MTMR7: variants seen among roughly 807,000 people sequenced by gnomAD.
MTMR7 encodes the protein phosphatidylinositol-3-phosphate phosphatase MTMR7.
MTMR7 carries 76 observed loss-of-function variants against 81.2 expected under a neutral mutation model. The ratio of observed to expected loss-of-function variants is 0.94; its 90% CI spans 0.78 to 1.13. The LOEUF (loss-of-function observed/expected upper bound fraction) is 1.13. Ranked by LOEUF, MTMR7 falls within the 50% of genes most tolerant of loss-of-function variation. The probability of loss-of-function intolerance (pLI) is 0.00; values close to 1 mark genes in which losing one functional copy is unlikely to be tolerated. For synonymous variants in MTMR7, 372 were observed against 289.8 expected, an observed-to-expected ratio of 1.28 and a Z score of -2.88; for missense variants, 1,044 against 820.0, an observed-to-expected ratio of 1.27 and a Z score of -3.34.
intron 3 of MTMR7, among the ~76,000 whole-genome samples, 182 bp downstream of exon 3, chr8:17,370,855 A>T (rs1167827510): frequency 6.6e-6 from 1 of 152,108 alleles, no homozygotes; most frequent in African/African-American, 2.4e-5. Context: ...AACTCGGGGG[A>T]GACTCTAAAA....
chr8:17,327,646 A>T (rs1299514058), intron 7 of MTMR7, among the ~76,000 whole-genome samples: 1 of 152,060 alleles, frequency 6.6e-6, no homozygotes, highest in Non-Finnish European at 1.5e-5. Flanking sequence ...CCTGGTAAAA[A>T]AAAAAACTAT....
intron 1 of MTMR7, among the ~76,000 whole-genome samples, chr8:17,388,167 T>C (rs1821006000): frequency 6.6e-6 from 1 of 152,192 alleles, no homozygotes; most frequent in Non-Finnish European, 1.5e-5. Context: ...AGGGCCCATA[T>C]AATTTATTTT....
intron 1 of MTMR7, among the ~76,000 whole-genome samples, chr8:17,397,062 G>A (rs1042634779): frequency 6.6e-6 from 1 of 151,942 alleles, no homozygotes; most frequent in Admixed American, 6.6e-5. Flanking sequence ...CCTGAATAAT[G>A]AGCAGTGATA....
intron 1 of MTMR7, among the ~76,000 whole-genome samples, chr8:17,407,423 T>C (rs1821619603): frequency 6.6e-6 from 1 of 152,174 alleles, no homozygotes; most frequent in Non-Finnish European, 1.5e-5. Context: ...CGGAAAGTCA[T>C]TTGGTAATAT....
intron 1 of MTMR7, among the ~76,000 whole-genome samples, chr8:17,387,489 C>G (rs563342204): frequency 5.6e-4 from 86 of 152,282 alleles, no homozygotes; most frequent in African/African-American, 1.9e-3. Flanking sequence ...ATGAATATAT[C>G]TAGACTGTTT....
chr8:17,329,330 C>T (rs903871714), intron 7 of MTMR7, among the ~76,000 whole-genome samples: 19 of 152,208 alleles, frequency 1.2e-4, no homozygotes, highest in Admixed American at 1.0e-3. Context: ...GTCAAGACCA[C>T]GTACAGGCAT....
intron 11 of MTMR7, among the ~76,000 whole-genome samples, chr8:17,304,891 CTCTG>C (rs948283822): frequency 1.3e-5 from 2 of 152,036 alleles, no homozygotes; most frequent in Non-Finnish European, 2.9e-5. Context: ...TTGCTGTGAG[CTCTG>C]TCTAATTTAC....
intron 1 of MTMR7, among the ~76,000 whole-genome samples, chr8:17,389,183 A>G (rs1269630215): frequency 2.0e-5 from 3 of 152,036 alleles, no homozygotes; most frequent in Admixed American, 2.0e-4. Flanking sequence ...CCTTTCCTCA[A>G]CTACCCCAGT....
At position 17,297,020 on chromosome 8, in the gene MTMR7, G is replaced by A. The variant is rs542862598; in HGVS notation, c.*2842C>T. 2 of 152,094 alleles carry A rather than the reference G, an allele frequency of 1.3e-5. No individual in the cohort carries two copies. The highest frequency in any genetic ancestry group is 4.8e-5 in the African/African-American group (2 of 41,430). 9.4% of individuals were successfully genotyped at this position (152,094 alleles called of 1,614,324 possible). On this transcript the variant is annotated 3_prime_UTR_variant, in exon 14 of 14. Transcript: ENST00000180173. ...CCGTATGAATGTGGGTTCTGTTTTT[G>A]CAACAGAGATTAAGTGACCATTTTT...
chr8:17,380,865 T>A (rs1016978163), intron 1 of MTMR7, among the ~76,000 whole-genome samples: 1 of 152,210 alleles, frequency 6.6e-6, no homozygotes, highest in African/African-American at 2.4e-5. Context: ...GACAAAATTA[T>A]ACTGTAAAAC....
chr8:17,393,766 G>A (rs978007677), intron 1 of MTMR7, among the ~76,000 whole-genome samples: 2 of 152,172 alleles, frequency 1.3e-5, no homozygotes, highest in African/African-American at 2.4e-5. Flanking sequence ...ATACCTAGAT[G>A]ACGAGATGAT....
At chr8:17,339,119 ATTTCTGGGATCACCAATGAGTGTAGAC>A (rs1232439856) in intron 6 of MTMR7, 1 of 152,210 alleles carries the variant, frequency 6.6e-6, no homozygotes, top group Non-Finnish European at 1.5e-5. Flanking sequence ...AGTTCTCGTG[ATTTCTGGGATCACCAATGAGTGTAGAC>A]CGTGTCTATA....
intron 4 of MTMR7, among the ~76,000 whole-genome samples, chr8:17,349,659 T>C (rs535744201): frequency 2.0e-5 from 3 of 152,318 alleles, no homozygotes; most frequent in Admixed American, 1.3e-4. Context: ...GGGAAGCTTC[T>C]TCCTTGACCT....
intron 11 of MTMR7, 127 bp downstream of exon 11, chr8:17,305,630 C>A: frequency 1.4e-6 from 1 of 709,636 alleles, no homozygotes; most frequent in Non-Finnish European, 2.3e-6. Flanking sequence ...GAAAATAAAA[C>A]TAATCTGTCA....
chr8:17,356,801 G>A (rs1177750813), intron 4 of MTMR7, among the ~76,000 whole-genome samples: 2 of 152,102 alleles, frequency 1.3e-5, no homozygotes, highest in East Asian at 1.9e-4. Context: ...GGCACTGTGG[G>A]ATCAACAAAG....
chr8:17,400,863 G>A (rs1456254733), intron 1 of MTMR7, among the ~76,000 whole-genome samples: 1 of 152,168 alleles, frequency 6.6e-6, no homozygotes, highest in Non-Finnish European at 1.5e-5. Flanking sequence ...TCTAAGCCAA[G>A]TAATCACAGA....
chr8:17,335,477 A>G (rs1400467263), intron 6 of MTMR7, among the ~76,000 whole-genome samples: 1 of 152,180 alleles, frequency 6.6e-6, no homozygotes, highest in African/African-American at 2.4e-5. Flanking sequence ...CAGCCTGGTC[A>G]CTGCCTTAGT....
chr8:17,307,984 A>G (rs1432531382), intron 10 of MTMR7, among the ~76,000 whole-genome samples: 1 of 152,164 alleles, frequency 6.6e-6, no homozygotes, highest in Admixed American at 6.5e-5. Flanking sequence ...ACATGTATAT[A>G]TATGTAACAA....
chr8:17,364,393 T>C (rs1268694344), intron 3 of MTMR7, among the ~76,000 whole-genome samples: 1 of 152,228 alleles, frequency 6.6e-6, no homozygotes, highest in African/African-American at 2.4e-5. Context: ...CTAATTAACA[T>C]ATACATTGCC....
Sources: allele counts gnomAD v4.1 joint callset (sites outside exome capture counted in the v4.1 genomes callset), GRCh38; gene constraint gnomAD v4.1.1; transcripts MANE v1.5; gene names NCBI Gene and HGNC (gene_info 2026-07-23, HGNC 2026-07-21).